Variants in TTI1 observed in about 807,000 individuals in gnomAD.
TTI1 encodes TELO2 interacting protein 1.
A neutral mutation model predicts 85.4 loss-of-function variants in TTI1; 52 were observed. The observed-to-expected ratio is 0.61, with a 90% CI of 0.49 to 0.77. The LOEUF (loss-of-function observed/expected upper bound fraction) is 0.77. Ranked by LOEUF, TTI1 falls within the 30% of genes least tolerant of loss-of-function variation. TTI1 has a pLI of 0.00. For missense variants in TTI1, 1,173 were observed against 1,296.0 expected (o/e 0.91, Z 1.46); for synonymous variants, 512 against 503.9 (o/e 1.02, Z -0.22).
In TTI1 at chr20:38,006,365, G is replaced by GC; in HGVS notation, c.2334dup (p.His779AlafsTer22). The GC allele has an allele frequency of 6.2e-7, 1 of 1,614,106 alleles. No individual in the cohort carries two copies. The highest frequency in any genetic ancestry group is 1.3e-5 in the African/African-American group (1 of 75,010). On this transcript the variant is annotated frameshift_variant, in exon 3 of 8. Coordinates refer to ENST00000373447, the MANE Select transcript of TTI1 (RefSeq NM_001303457.2). LOFTEE classifies it high-confidence loss of function. ...TCTCCTAAACTTTGCTCTTGGAGGT[G>GC]CCCAAGATTACCTGTGTCTGGGAAC... is the stretch of plus-strand genomic sequence containing the variant.
intron 6 of TTI1, 128 bp from the exon 7 acceptor site, chr20:37,996,590 A>G (rs1052588067): frequency 9.3e-6 from 13 of 1,399,404 alleles, no homozygotes; most frequent in Non-Finnish European, 1.3e-5. Flanking sequence ...CCATCCCGCC[A>G]AAGAACACAT....
At chr20:38,020,344 A>ATATATATATATATATATAT (rs2073752932) in intron 1 of TTI1, among the ~76,000 whole-genome samples, 1 of 125,760 alleles carries the variant, frequency 8.0e-6, no homozygotes, top group Non-Finnish European at 1.7e-5. Flanking sequence ...ATATATATAT[A>ATATATATATATATATATAT]TATATATATG....
intron 3 of TTI1, among the ~76,000 whole-genome samples, chr20:38,003,258 A>C (rs546614189): frequency 6.6e-6 from 1 of 152,320 alleles, no homozygotes; most frequent in South Asian, 2.1e-4. Flanking sequence ...CCACTACACC[A>C]GGCTAAGCAT....
chr20:37,983,280 A>C lies in TTI1; in HGVS notation c.*176T>G. 1.8e-5 allele frequency: 11 copies of C among 611,718 alleles called. No homozygotes were observed. The highest frequency in any genetic ancestry group is 2.8e-5 in the Non-Finnish European group (10 of 359,652). The allele number at this position is 611,718 out of a possible 1,614,324, so 37.9% of individuals were successfully genotyped here. On this transcript the variant is annotated 3_prime_UTR_variant, in exon 8 of 8. Coordinates refer to ENST00000373447, the MANE Select transcript of TTI1 (RefSeq NM_001303457.2). The stretch of plus-strand genomic sequence containing the variant: ...TATGAAACATAAATAATAGTCAGCT[A>C]CTTTCCTTCAATCCATTTCTAAGCA...
intron 1 of TTI1, among the ~76,000 whole-genome samples, chr20:38,016,040 A>G (rs2073677334): frequency 6.6e-6 from 1 of 152,262 alleles, no homozygotes; most frequent in Non-Finnish European, 1.5e-5. Context: ...GAAATGACAA[A>G]TAACAAATAA....
At chr20:38,027,885 T>C (rs538749507) in intron 1 of TTI1, among the ~76,000 whole-genome samples, 32 of 152,108 alleles carry the variant, frequency 2.1e-4, no homozygotes, top group African/African-American at 6.0e-4. Flanking sequence ...GATCGCACCA[T>C]TGAACTCTAG....
chr20:37,991,137 T>A (rs1269888866), intron 7 of TTI1, among the ~76,000 whole-genome samples: 1 of 152,192 alleles, frequency 6.6e-6, no homozygotes, highest in Non-Finnish European at 1.5e-5. Context: ...GCAATGCCTG[T>A]CAAAAGATGG....
chr20:38,005,811 A>T lies in TTI1; in HGVS notation c.2503+386T>A, dbSNP rs192132147. 8.0e-3 allele frequency: 680 copies of T among 84,940 alleles called. 1 individual carries two copies. The highest frequency in any genetic ancestry group is 9.9e-3 in the African/African-American group (95 of 9,564). The allele number at this position is 84,940 out of a possible 1,614,324, so 5.3% of individuals were successfully genotyped here. A position where few individuals can be genotyped will look rare whatever the true frequency, so the allele number is the denominator to read the frequency against. On this transcript the variant is annotated intron_variant, in intron 3 of 7. Transcript: ENST00000373447. ...TAAAAAATAAAAAAATAAAAAAAAT[A>T]AAAAAAAAAGGTCACATGCACAGAA... is the stretch of plus-strand genomic sequence containing the variant.
At chr20:38,015,095 C>T (rs1251276901) in intron 1 of TTI1, among the ~76,000 whole-genome samples, 1 of 152,130 alleles carries the variant, frequency 6.6e-6, no homozygotes, top group African/African-American at 2.4e-5. Context: ...CTTCTGTCTA[C>T]CCCCAATTCC....
At chr20:38,006,477 C>A in intron 2 of TTI1, 80 bp from the exon 3 acceptor site, 1 of 1,502,322 alleles carries the variant, frequency 6.7e-7, no homozygotes, top group Non-Finnish European at 9.2e-7. Flanking sequence ...AAGCTCTCTG[C>A]CCTGGCCTGC....
At chr20:38,024,931 C>T (rs2122644332) in intron 1 of TTI1, among the ~76,000 whole-genome samples, 1 of 152,264 alleles carries the variant, frequency 6.6e-6, no homozygotes, top group Non-Finnish European at 1.5e-5. Context: ...GTAATGATGC[C>T]ACCTCCACTC....
intron 1 of TTI1, among the ~76,000 whole-genome samples, chr20:38,030,508 G>A (rs1159930102): frequency 6.9e-6 from 1 of 144,210 alleles, no homozygotes; most frequent in South Asian, 2.2e-4. Context: ...GAAAATATTA[G>A]GAAATTCAGC....
At chr20:38,021,324 T>C (rs2073768412) in intron 1 of TTI1, among the ~76,000 whole-genome samples, 1 of 152,250 alleles carries the variant, frequency 6.6e-6, no homozygotes, top group African/African-American at 2.4e-5. Context: ...GGGATGGCCA[T>C]GAAATCACAG....
intron 3 of TTI1, 81 bp from the exon 4 acceptor site, chr20:38,002,857 C>T (rs2073445993): frequency 1.3e-6 from 2 of 1,580,764 alleles, no homozygotes; most frequent in Non-Finnish European, 1.7e-6. Context: ...TTATAAATTA[C>T]TCAGTCTTAG....
chr20:38,023,389 A>T (rs200600722), intron 1 of TTI1, among the ~76,000 whole-genome samples: 1 of 152,140 alleles, frequency 6.6e-6, no homozygotes. Flanking sequence ...GTGGTGGGGG[A>T]GCAGATATGC....
chr20:38,029,221 G>A (rs1218505319), intron 1 of TTI1, among the ~76,000 whole-genome samples: 3 of 151,792 alleles, frequency 2.0e-5, no homozygotes, highest in Non-Finnish European at 4.4e-5. Flanking sequence ...GGAACAGAGA[G>A]GAAACCTTAA....
intron 7 of TTI1, among the ~76,000 whole-genome samples, chr20:37,992,621 T>A (rs989055959): frequency 6.6e-6 from 1 of 152,214 alleles, no homozygotes; most frequent in Non-Finnish European, 1.5e-5. Flanking sequence ...TCTAGTTTTG[T>A]TTCCTTTTAG....
intron 4 of TTI1, among the ~76,000 whole-genome samples, chr20:38,000,982 C>T (rs1600621359): frequency 6.6e-6 from 1 of 152,226 alleles, no homozygotes; most frequent in Non-Finnish European, 1.5e-5. Context: ...CGAGTAGGTA[C>T]CCAACACGTA....
At chr20:38,030,748 T>C (rs773302486) in intron 1 of TTI1, among the ~76,000 whole-genome samples, 8 of 152,198 alleles carry the variant, frequency 5.3e-5, no homozygotes, top group Admixed American at 2.6e-4. Flanking sequence ...TTACACCTTA[T>C]TCCGTTATGA....
Sources: allele counts gnomAD v4.1 joint callset (sites outside exome capture counted in the v4.1 genomes callset), GRCh38; gene constraint gnomAD v4.1.1; transcripts MANE v1.5; gene names NCBI Gene and HGNC (gene_info 2026-07-23, HGNC 2026-07-21).